The following FAM13A variants were observed in gnomAD, a reference collection of about 807,000 sequenced individuals.
The protein encoded by FAM13A is family with sequence similarity 13 member A.
A neutral mutation model predicts 129.6 loss-of-function variants in FAM13A; 76 were observed. The observed-to-expected ratio is 0.59, with a 90% CI of 0.49 to 0.71. The LOEUF is 0.71. Ranked by LOEUF, FAM13A falls within the 30% of genes least tolerant of loss-of-function variation. FAM13A has a pLI of 0.00. For synonymous variants in FAM13A, 443 were observed against 449.9 expected (o/e 0.98, Z 0.20); for missense variants, 1,108 against 1,249.3 (o/e 0.89, Z 1.70).
intron 11 of FAM13A, among the ~76,000 whole-genome samples, chr4:88,771,348 A>C (rs1284291439): frequency 6.6e-6 from 1 of 152,146 alleles, no homozygotes; most frequent in Non-Finnish European, 1.5e-5. Flanking sequence ...AGGGAAGGGA[A>C]AAGTGTAATG....
At chr4:88,972,485 G>A (rs1462378095) in intron 4 of FAM13A, among the ~76,000 whole-genome samples, 1 of 151,454 alleles carries the variant, frequency 6.6e-6, no homozygotes, top group East Asian at 1.9e-4. Flanking sequence ...TATTTTAGTA[G>A]AGACAGGGTA....
intron 7 of FAM13A, among the ~76,000 whole-genome samples, chr4:88,822,249 C>T (rs1732110819): frequency 6.6e-6 from 1 of 152,162 alleles, no homozygotes; most frequent in Non-Finnish European, 1.5e-5. Context: ...AGGCCCTCTC[C>T]ATGCCTACAT....
At chr4:88,958,286 C>A (rs1156665992) in intron 4 of FAM13A, among the ~76,000 whole-genome samples, 1 of 152,190 alleles carries the variant, frequency 6.6e-6, no homozygotes, top group Non-Finnish European at 1.5e-5. Context: ...TGTCCAGGGC[C>A]CTGCTACCCT....
At chr4:89,037,947 C>T (rs1325802226) in intron 1 of FAM13A, among the ~76,000 whole-genome samples, 1 of 152,192 alleles carries the variant, frequency 6.6e-6, no homozygotes, top group African/African-American at 2.4e-5. Flanking sequence ...GACAATTAAA[C>T]CTCTTTTCTT....
intron 19 of FAM13A, among the ~76,000 whole-genome samples, chr4:88,744,039 GAC>G (rs773082441): frequency 1.3e-5 from 2 of 152,144 alleles, no homozygotes; most frequent in African/African-American, 2.4e-5. Context: ...TATCATAATA[GAC>G]AGTAAAAAGA....
At position 88,805,347 on chromosome 4, in the gene FAM13A, C is replaced by T. The variant is rs193194167; in HGVS notation, c.1008-295G>A. The stretch of plus-strand genomic sequence containing the variant: ...ATTCTAGAGGCCCAATTCAAGTATT[C>T]GTATATTACACATAAACCCTTAAAA... On this transcript the variant is annotated intron_variant, in intron 7 of 23. Transcript: ENST00000264344. Among the ~76,000 whole-genome samples the T allele has an allele frequency of 1.2e-3, 176 of 152,216 alleles. 1 individual carries two copies. The highest frequency in any genetic ancestry group is 1.8e-3 in the Non-Finnish European group (120 of 68,012).
At chr4:88,830,898 A>C (rs546649151) in intron 7 of FAM13A, among the ~76,000 whole-genome samples, 1 of 152,302 alleles carries the variant, frequency 6.6e-6, no homozygotes, top group Non-Finnish European at 1.5e-5. Context: ...TTCCCCAAAA[A>C]GATTAAGTAC....
intron 4 of FAM13A, among the ~76,000 whole-genome samples, chr4:88,959,598 C>T (rs1163133956): frequency 6.6e-6 from 1 of 152,178 alleles, no homozygotes; most frequent in African/African-American, 2.4e-5. Flanking sequence ...CAGTACCATG[C>T]TTCCTACAAA....
rs777042795 is a variant in FAM13A, at chr4:88,993,990, C to CAA, written c.428-2842_428-2841dup. 4.4e-3 allele frequency among the ~76,000 whole-genome samples: 554 copies of CAA among 124,666 alleles called. 4 individuals carry two copies. The highest frequency in any genetic ancestry group is 0.014 in the African/African-American group (481 of 33,558). The allele number at this position is 124,666 out of a possible 152,430, so 81.8% of individuals were successfully genotyped here. ...TGGGCGACAGAGCAAGACCCTGCCT[C>CAA]AAAAAAAAAAAAAAATCATTCATGG... On this transcript the variant is annotated intron_variant, in intron 3 of 23. Coordinates refer to ENST00000264344, the MANE Select transcript of FAM13A (RefSeq NM_014883.4).
intron 14 of FAM13A, among the ~76,000 whole-genome samples, chr4:88,754,316 T>A (rs564447173): frequency 1.7e-4 from 26 of 152,290 alleles, no homozygotes; most frequent in African/African-American, 6.3e-4. Context: ...TCAGACACTA[T>A]AGTACACATG....
intron 3 of FAM13A, among the ~76,000 whole-genome samples, chr4:89,013,478 C>G (rs1208135049): frequency 6.8e-6 from 1 of 147,942 alleles, no homozygotes; most frequent in Non-Finnish European, 1.5e-5. Flanking sequence ...GCTTACATAA[C>G]TAGTAGTTGC....
Position 88,750,424 on chromosome 4 carries a change from C to G in FAM13A, c.1940G>C (p.Arg647Thr). 2 of 1,611,684 alleles carry G rather than the reference C, an allele frequency of 1.2e-6. No individual in the cohort carries two copies. The highest frequency in any genetic ancestry group is 1.3e-5 in the African/African-American group (1 of 74,962). Residue 647 changes from arginine (R) to threonine (T), a missense_variant and splice_region_variant, in exon 15 of 24, where the codon AGG (arginine) becomes ACG (threonine). Transcript: ENST00000264344. ...CTATCAGCAACACAGAGAAACATACCTCATGAAAGAATGGGAGTTTGGTGG... is the reference window on the plus strand; with the variant it reads ...CTATCAGCAACACAGAGAAACATACGTCATGAAAGAATGGGAGTTTGGTGG... ...PSPPNSHSFM[R>T]RRSSSLGSYD...
intron 3 of FAM13A, among the ~76,000 whole-genome samples, chr4:89,001,286 G>T (rs1961979): frequency 3.9e-5 from 6 of 152,070 alleles, no homozygotes; most frequent in Non-Finnish European, 8.8e-5. Flanking sequence ...CCTGCCACCA[G>T]ATTTCCAATT....
chr4:88,943,959 T>C (rs1755205665), intron 4 of FAM13A, among the ~76,000 whole-genome samples: 1 of 152,220 alleles, frequency 6.6e-6, no homozygotes, highest in African/African-American at 2.4e-5. Context: ...GATACTTCTG[T>C]AAACAAAAAT....
intron 8 of FAM13A, among the ~76,000 whole-genome samples, chr4:88,792,915 A>C (rs1725455992): frequency 6.6e-6 from 1 of 152,078 alleles, no homozygotes; most frequent in Admixed American, 6.6e-5. Flanking sequence ...AAAGACAAGG[A>C]AACAACAAAC....
intron 1 of FAM13A, among the ~76,000 whole-genome samples, chr4:89,042,086 T>C (rs912598204): frequency 1.7e-5 from 2 of 117,620 alleles, no homozygotes; most frequent in African/African-American, 2.7e-5. Flanking sequence ...TGGACATATG[T>C]ATATGTTTGA....
chr4:88,937,629 A>C (rs1261707265), intron 5 of FAM13A: 1 of 161,210 alleles, frequency 6.2e-6, no homozygotes, highest in Non-Finnish European at 1.3e-5. Context: ...GTTACCAAAA[A>C]CTAATATATG....
intron 7 of FAM13A, among the ~76,000 whole-genome samples, chr4:88,834,463 A>G (rs1322981015): frequency 6.6e-6 from 1 of 152,184 alleles, no homozygotes; most frequent in African/African-American, 2.4e-5. Flanking sequence ...ATCCCCAAAA[A>G]AGCACTGAAA....
At position 88,748,951 on chromosome 4, in the gene FAM13A, C is replaced by T; in HGVS notation, c.2161+1G>A. On this transcript the variant is annotated splice_donor_variant, in intron 17 of 23. Transcript: ENST00000264344. LOFTEE classifies it high-confidence loss of function. ...AGCCACAGCTCCAGAATTTTACCCA[C>T]CTTTAAGTTGTCTCCGGAATTTGGC... is the stretch of plus-strand genomic sequence containing the variant. 1 of 1,611,094 alleles carries T rather than the reference C, an allele frequency of 6.2e-7. No individual in the cohort carries two copies. Among genetic ancestry groups the T allele is most frequent in the Non-Finnish European group, 8.5e-7 (1 of 1,177,302 alleles).
Sources: allele counts gnomAD v4.1 joint callset (sites outside exome capture counted in the v4.1 genomes callset), GRCh38; gene constraint gnomAD v4.1.1; transcripts MANE v1.5; gene names NCBI Gene and HGNC (gene_info 2026-07-23, HGNC 2026-07-21).